MAEL: variants seen among roughly 807,000 people sequenced by gnomAD.
MAEL encodes protein maelstrom homolog.
Under a neutral mutation model 62.0 loss-of-function variants are expected in MAEL, and 46 were observed. The observed-to-expected ratio is 0.74, with a 90% CI of 0.59 to 0.95. MAEL has a LOEUF of 0.95. Ranked by LOEUF, MAEL falls within the 40% of genes least tolerant of loss-of-function variation. MAEL has a pLI of 0.00. For synonymous variants in MAEL, 172 were observed against 175.5 expected (o/e 0.98, Z 0.16); for missense variants, 497 against 526.8 (o/e 0.94, Z 0.55).
chr1:166,994,322 C>G (rs1344715312), intron 5 of MAEL, among the ~76,000 whole-genome samples: 1 of 152,094 alleles, frequency 6.6e-6, no homozygotes, highest in Non-Finnish European at 1.5e-5. Context: ...GTTGGCTGTT[C>G]TTAGTGGCTG....
intron 8 of MAEL, among the ~76,000 whole-genome samples, chr1:167,014,779 A>G (rs965674082): frequency 2.0e-5 from 3 of 152,098 alleles, no homozygotes; most frequent in African/African-American, 7.2e-5. Flanking sequence ...TCCCAGCACT[A>G]TGGGAGGCCA....
intron 5 of MAEL, 46 bp from the exon 6 acceptor site, chr1:167,004,134 A>AT (rs1389296203): frequency 3.8e-6 from 6 of 1,558,942 alleles, no homozygotes; most frequent in Non-Finnish European, 5.2e-6. Context: ...ACCCCATAAT[A>AT]TTTATCTTGC....
At chr1:166,995,633 C>G (rs1664393880) in intron 5 of MAEL, among the ~76,000 whole-genome samples, 1 of 151,618 alleles carries the variant, frequency 6.6e-6, no homozygotes, top group African/African-American at 2.4e-5. Flanking sequence ...AGCTAATATC[C>G]CCAACTGTTA....
At chr1:166,999,944 C>A (rs1664590792) in intron 5 of MAEL, among the ~76,000 whole-genome samples, 1 of 151,978 alleles carries the variant, frequency 6.6e-6, no homozygotes, top group South Asian at 2.1e-4. Context: ...ATTTTAAGAA[C>A]ACTGTTGAAA....
chr1:167,016,355 T>G, intron 9 of MAEL, 71 bp downstream of exon 9: 1 of 1,464,342 alleles, frequency 6.8e-7, no homozygotes, highest in African/African-American at 1.4e-5. Flanking sequence ...TTTTGCTTGC[T>G]ATAGCTTTGG....
intron 11 of MAEL, 125 bp downstream of exon 11, chr1:167,021,285 T>C (rs888720551): frequency 5.6e-6 from 4 of 718,950 alleles, no homozygotes; most frequent in Non-Finnish European, 7.0e-6. Flanking sequence ...CTTGTTGAAT[T>C]GAGGGTTTTA....
At chr1:166,989,141 C>A (rs931696581), upstream of MAEL, 1 of 662,136 alleles carries the variant, frequency 1.5e-6, no homozygotes, top group Non-Finnish European at 2.5e-6. Context: ...GCGCTCTCCC[C>A]CCACCTCACC....
intron 7 of MAEL, 25 bp downstream of exon 7, chr1:167,005,155 A>G (rs1215430537): frequency 3.7e-6 from 6 of 1,613,036 alleles, no homozygotes; most frequent in East Asian, 2.2e-5. Context: ...GGGTTGCTGC[A>G]GAAGTGCTTT....
At chr1:166,997,500 T>C (rs1557976664) in intron 5 of MAEL, among the ~76,000 whole-genome samples, 1 of 152,172 alleles carries the variant, frequency 6.6e-6, no homozygotes, top group Admixed American at 6.5e-5. Flanking sequence ...TTACTCTCTT[T>C]ATGGTGTCTT....
chr1:166,989,537 G>T, intron 1 of MAEL, 53 bp downstream of exon 1: 2 of 1,559,014 alleles, frequency 1.3e-6, no homozygotes, highest in East Asian at 2.4e-5. Flanking sequence ...GCAAGCCGGA[G>T]GGTGAGGCGG....
At chr1:167,004,694 A>T (rs1004188985) in intron 6 of MAEL, among the ~76,000 whole-genome samples, 4 of 152,142 alleles carry the variant, frequency 2.6e-5, no homozygotes, top group African/African-American at 9.7e-5. Flanking sequence ...TGTTTGTAAT[A>T]TTTAGAGAGA....
chr1:166,995,676 T>TAAAAAAAAAAA (rs200023802), intron 5 of MAEL, among the ~76,000 whole-genome samples: 1 of 145,996 alleles, frequency 6.8e-6, no homozygotes, highest in Admixed American at 6.8e-5. Context: ...AGATGGCAGT[T>TAAAAAAAAAAA]AAAAAAAAAA....
intron 8 of MAEL, among the ~76,000 whole-genome samples, chr1:167,006,799 C>T (rs1273834996): frequency 6.6e-6 from 1 of 151,438 alleles, no homozygotes. Context: ...CCATGCCCAG[C>T]TAATTTTTGT....
chr1:167,000,129 T>C (rs1010220139), intron 5 of MAEL, among the ~76,000 whole-genome samples: 3 of 152,224 alleles, frequency 2.0e-5, no homozygotes, highest in African/African-American at 4.8e-5. Flanking sequence ...CTTTCAAGTC[T>C]TATTATTTAA....
At chr1:167,012,123 A>C (rs1381595811) in intron 8 of MAEL, among the ~76,000 whole-genome samples, 1 of 152,210 alleles carries the variant, frequency 6.6e-6, no homozygotes, top group Non-Finnish European at 1.5e-5. Context: ...ATACAATAGA[A>C]ACTGTTAGAA....
At chr1:166,985,503 A>G (rs1316979884), upstream of MAEL, among the ~76,000 whole-genome samples, 1 of 152,218 alleles carries the variant, frequency 6.6e-6, no homozygotes, top group African/African-American at 2.4e-5. Flanking sequence ...CCCATCAGCC[A>G]AAGTGGAATT....
At chr1:166,986,186 T>C (rs1663907690), upstream of MAEL, among the ~76,000 whole-genome samples, 1 of 152,084 alleles carries the variant, frequency 6.6e-6, no homozygotes, top group Admixed American at 6.5e-5. Flanking sequence ...CAGTAAACCA[T>C]GGGCAACTTC....
chr1:167,012,612 A>G (rs555166931), intron 8 of MAEL: 1 of 152,376 alleles, frequency 6.6e-6, no homozygotes, highest in East Asian at 1.9e-4. Flanking sequence ...TTAGCTTTTG[A>G]TAAGTGCTAA....
chr1:166,993,633 A>T (rs898504648), intron 4 of MAEL, among the ~76,000 whole-genome samples: 1 of 152,178 alleles, frequency 6.6e-6, no homozygotes, highest in Non-Finnish European at 1.5e-5. Context: ...GCTTTTCCCC[A>T]CATGGGTTGT....
Sources: allele counts gnomAD v4.1 joint callset (sites outside exome capture counted in the v4.1 genomes callset), GRCh38; gene constraint gnomAD v4.1.1; transcripts MANE v1.5; gene names NCBI Gene and HGNC (gene_info 2026-07-23, HGNC 2026-07-21).